Variants in FAM184B observed in about 807,000 individuals in gnomAD.
FAM184B encodes family with sequence similarity 184 member B.
In FAM184B, 111 loss-of-function variants were observed where a neutral mutation model predicts 135.9. The observed-to-expected ratio is 0.82, with a 90% CI of 0.70 to 0.96. FAM184B has a LOEUF of 0.96. Among genes scored for constraint, FAM184B ranks in the 40% least tolerant of loss-of-function variants. The pLI is 0.00. For missense variants in FAM184B, 1,375 were observed against 1,323.9 expected, an observed-to-expected ratio of 1.04 and a Z score of -0.60; for synonymous variants, 552 against 524.8, an observed-to-expected ratio of 1.05 and a Z score of -0.71.
chr4:17,665,685 C>T (rs1716030929), intron 7 of FAM184B, among the ~76,000 whole-genome samples: 1 of 152,132 alleles, frequency 6.6e-6, no homozygotes, highest in Admixed American at 6.5e-5. Context: ...CTCCCATCCA[C>T]CCTTGATCTG....
chr4:17,776,491 C>T (rs1238204889), intron 1 of FAM184B, among the ~76,000 whole-genome samples: 1 of 152,142 alleles, frequency 6.6e-6, no homozygotes, highest in African/African-American at 2.4e-5. Context: ...CGGGTTCAAG[C>T]GATTCTCCTG....
In FAM184B at chr4:17,667,356, C is replaced by G. The variant is rs76163320; in HGVS notation, c.1597-2697G>C. ...GTGGCTGGAGGGTGGCGTGTGGAGACAGCCATCACCCAAACTTTGAGTGTT... is the reference window on the plus strand; with the variant it reads ...GTGGCTGGAGGGTGGCGTGTGGAGAGAGCCATCACCCAAACTTTGAGTGTT... On this transcript the variant is annotated intron_variant, in intron 7 of 17. Coordinates refer to ENST00000265018, the MANE Select transcript of FAM184B (RefSeq NM_015688.2). Among the ~76,000 whole-genome samples the G allele has an allele frequency of 1.4e-3, 211 of 152,306 alleles. 2 individuals carry two copies. Among genetic ancestry groups the G allele is most frequent in the African/African-American group, 5.0e-3 (209 of 41,562 alleles).
At chr4:17,637,586 A>T (rs1445737734) in intron 14 of FAM184B, among the ~76,000 whole-genome samples, 3 of 152,128 alleles carry the variant, frequency 2.0e-5, no homozygotes, top group African/African-American at 7.2e-5. Context: ...TGATAATGGG[A>T]GCCTGGCATA....
intron 12 of FAM184B, among the ~76,000 whole-genome samples, 190 bp downstream of exon 12, chr4:17,647,447 G>C (rs1715499522): frequency 6.6e-6 from 1 of 151,916 alleles, no homozygotes; most frequent in Admixed American, 6.6e-5. Flanking sequence ...ATATAGTCTT[G>C]CTATGTTGCC....
chr4:17,641,897 G>A (rs1234045064), intron 13 of FAM184B, among the ~76,000 whole-genome samples, 159 bp downstream of exon 13: 2 of 151,574 alleles, frequency 1.3e-5, no homozygotes. Context: ...TAACATCTGT[G>A]AAATGCTGGC....
chr4:17,704,448 T>G (rs73800352), intron 5 of FAM184B, among the ~76,000 whole-genome samples: 1 of 152,210 alleles, frequency 6.6e-6, no homozygotes, highest in Non-Finnish European at 1.5e-5. Flanking sequence ...TCCTAGGCAC[T>G]AGGATACGCC....
rs1027906433 is a variant in FAM184B, at chr4:17,631,209, T to C, written c.*1323A>G. On this transcript the variant is annotated 3_prime_UTR_variant, in exon 18 of 18. Coordinates refer to ENST00000265018, the MANE Select transcript of FAM184B (RefSeq NM_015688.2). The stretch of plus-strand genomic sequence containing the variant: ...ACCCAAAGACCAGAGGTTCAGGGGA[T>C]ATATATATATATTTTTTTAATCTGT... 1 of 152,046 alleles carries C rather than the reference T, an allele frequency of 6.6e-6. No individual in the cohort carries two copies. Among genetic ancestry groups the C allele is most frequent in the African/African-American group, 2.4e-5 (1 of 41,354 alleles). 9.4% of individuals were successfully genotyped at this position (152,046 alleles called of 1,614,324 possible).
At chr4:17,757,594 A>C (rs1362902570) in intron 1 of FAM184B, among the ~76,000 whole-genome samples, 1 of 152,178 alleles carries the variant, frequency 6.6e-6, no homozygotes, top group Non-Finnish European at 1.5e-5. Context: ...TACTTCTGAG[A>C]TCGATATAAA....
chr4:17,774,549 T>C (rs889021170), intron 1 of FAM184B, among the ~76,000 whole-genome samples: 17 of 152,322 alleles, frequency 1.1e-4, no homozygotes, highest in African/African-American at 4.1e-4. Flanking sequence ...ATCTAGAACC[T>C]CTTCTTCCAA....
At chr4:17,640,864 G>A (rs377059843) in intron 13 of FAM184B, among the ~76,000 whole-genome samples, 87 of 152,260 alleles carry the variant, frequency 5.7e-4, no homozygotes, top group Non-Finnish European at 7.8e-4. Context: ...TTCATGCTAG[G>A]GACATGCCAA....
At chr4:17,649,786 C>T (rs1286936066) in intron 11 of FAM184B, among the ~76,000 whole-genome samples, 1 of 152,024 alleles carries the variant, frequency 6.6e-6, no homozygotes, top group Non-Finnish European at 1.5e-5. Flanking sequence ...CATACCTTCC[C>T]ACCATTCATC....
chr4:17,716,177 G>C (rs1717398283), intron 1 of FAM184B, among the ~76,000 whole-genome samples: 2 of 152,284 alleles, frequency 1.3e-5, no homozygotes, highest in Admixed American at 6.5e-5. Flanking sequence ...GCAATGTGGA[G>C]ATGTGTGCAA....
At chr4:17,741,755 C>T (rs1464285568) in intron 1 of FAM184B, among the ~76,000 whole-genome samples, 1 of 152,090 alleles carries the variant, frequency 6.6e-6, no homozygotes, top group East Asian at 1.9e-4. Context: ...TGGACATAAA[C>T]CCGGAGGACA....
intron 6 of FAM184B, among the ~76,000 whole-genome samples, chr4:17,690,854 C>T (rs906065363): frequency 5.9e-5 from 9 of 151,994 alleles, no homozygotes; most frequent in African/African-American, 1.9e-4. Context: ...TGACAAGGAT[C>T]GGGTGTGATG....
intron 15 of FAM184B, 121 bp from the exon 16 acceptor site, chr4:17,635,234 C>G: frequency 2.7e-6 from 2 of 736,726 alleles, no homozygotes; most frequent in South Asian, 3.8e-5. Flanking sequence ...AAGGGGAAGT[C>G]AGTGGGAATA....
intron 1 of FAM184B, among the ~76,000 whole-genome samples, chr4:17,743,982 G>A (rs1718101620): frequency 6.6e-6 from 1 of 152,152 alleles, no homozygotes; most frequent in South Asian, 2.1e-4. Flanking sequence ...AGCTAATTCA[G>A]GCTGTGGGCC....
chr4:17,642,265 C>T, intron 12 of FAM184B, 37 bp from the exon 13 acceptor site: 1 of 1,435,972 alleles, frequency 7.0e-7, no homozygotes, highest in South Asian at 1.4e-5. Flanking sequence ...TTTCAGGAGG[C>T]GCAGGGGCAG....
intron 1 of FAM184B, among the ~76,000 whole-genome samples, chr4:17,761,189 C>T (rs1718537749): frequency 6.6e-6 from 1 of 152,070 alleles, no homozygotes; most frequent in Non-Finnish European, 1.5e-5. Flanking sequence ...AGCTCACTGT[C>T]AGCACAAAGG....
At chr4:17,697,204 A>G (rs1716884680) in intron 5 of FAM184B, among the ~76,000 whole-genome samples, 2 of 152,164 alleles carry the variant, frequency 1.3e-5, no homozygotes, top group Non-Finnish European at 2.9e-5. Context: ...CAGAATTAAT[A>G]CATTTGATGG....
Sources: allele counts gnomAD v4.1 joint callset (sites outside exome capture counted in the v4.1 genomes callset), GRCh38; gene constraint gnomAD v4.1.1; transcripts MANE v1.5; gene names NCBI Gene and HGNC (gene_info 2026-07-23, HGNC 2026-07-21).